CLSTN3: variants seen among roughly 807,000 people sequenced by gnomAD.
CLSTN3 encodes calsyntenin 3.
In CLSTN3, 36 loss-of-function variants were observed where a neutral mutation model predicts 95.9. That is an observed-to-expected ratio of 0.38 (90% CI 0.29 to 0.50). The LOEUF is 0.50. Among genes scored for constraint, CLSTN3 ranks in the 20% least tolerant of loss-of-function variants. The probability of loss-of-function intolerance (pLI) is 0.95; values close to 1 mark genes in which losing one functional copy is unlikely to be tolerated. For synonymous variants in CLSTN3, 481 were observed against 504.0 expected, an observed-to-expected ratio of 0.95 and a Z score of 0.61; for missense variants, 1,084 against 1,268.8, an observed-to-expected ratio of 0.85 and a Z score of 2.21.
Position 7,133,286 on chromosome 12 carries a change from G to T in CLSTN3, c.187+140G>T. 1 of 1,099,038 alleles carries T rather than the reference G, an allele frequency of 9.1e-7. No individual in the cohort carries two copies. Among genetic ancestry groups the T allele is most frequent in the Non-Finnish European group, 1.3e-6 (1 of 765,536 alleles). The allele number at this position is 1,099,038 out of a possible 1,614,324, so 68.1% of individuals were successfully genotyped here. ...AAAAGTGGGCTCAAGGAGGGGAATG[G>T]TCTCCACTGAAGAATGGAGATTGAG... is the stretch of plus-strand genomic sequence containing the variant. On this transcript the variant is annotated intron_variant, in intron 2 of 17. Coordinates refer to ENST00000266546, the MANE Select transcript of CLSTN3 (RefSeq NM_014718.4). This position sits in a 1 kb window ranked among gnomAD's most constrained non-coding sequence, Gnocchi z 4.7.
Position 7,150,936 on chromosome 12 carries a change from C to G in CLSTN3, c.2400C>G (p.Val800=). The G allele has an allele frequency of 6.2e-7, 1 of 1,604,974 alleles. No homozygotes were observed. The highest frequency in any genetic ancestry group is 8.5e-7 in the Non-Finnish European group (1 of 1,174,612). Residue 800 remains valine, a synonymous_variant, in exon 16 of 18, where the codon GTC becomes GTG. Coordinates refer to ENST00000266546, the MANE Select transcript of CLSTN3 (RefSeq NM_014718.4). This position sits in a 1 kb window ranked among gnomAD's most constrained non-coding sequence, Gnocchi z 4.0. ...SSNEFIVEVN[V]LHSMNRVAHP... The stretch of plus-strand genomic sequence containing the variant: ...GCCCTCCCTCTGCCCAGGTCAATGT[C>G]CTGCACAGCATGAACCGGGTTGCCC...
rs200951848 is a variant in CLSTN3 at position 7,137,061 on chromosome 12, C to A, written c.1161C>A (p.Asn387Lys). Residue 387 changes from asparagine to lysine, a missense_variant, in exon 7 of 18, where the codon AAC (asparagine) becomes AAA (lysine). Coordinates refer to ENST00000266546, the MANE Select transcript of CLSTN3 (RefSeq NM_014718.4). This position sits in a 1 kb window ranked among gnomAD's most constrained non-coding sequence, Gnocchi z 4.4. ...GGATGAAGCATGGCGTAACTCCCAA[C>A]AAGGGCAAGAAGGAAGAGGAAACCA... ...SFWMKHGVTP[N>K]KGKKEEETIV... is the part of the protein sequence containing the mutation. 308 of 1,614,004 alleles carry A rather than the reference C, an allele frequency of 1.9e-4. No individual in the cohort carries two copies. The highest frequency in any genetic ancestry group is 1.8e-4 in the Non-Finnish European group (207 of 1,180,022).
Position 7,157,353 on chromosome 12 carries a change from C to G in CLSTN3, c.2528-136C>G, listed in dbSNP as rs1238023750. ...TCTCTTCTGGCTTCTCCAGGTGTTCCTCTCTTCTCGGCCACCGTGTGTTCT... is the reference window on the plus strand; with the variant it reads ...TCTCTTCTGGCTTCTCCAGGTGTTCGTCTCTTCTCGGCCACCGTGTGTTCT... On this transcript the variant is annotated intron_variant, in intron 16 of 17. Coordinates refer to ENST00000266546, the MANE Select transcript of CLSTN3 (RefSeq NM_014718.4). The surrounding 1 kb of genome is among the most constrained non-coding windows in gnomAD (Gnocchi z 5.9). 1.4e-6 allele frequency: 1 copy of G among 706,104 alleles called. No homozygotes were observed. Among genetic ancestry groups the G allele is most frequent in the Non-Finnish European group, 2.2e-6 (1 of 446,976 alleles). The allele number at this position is 706,104 out of a possible 1,614,324, so 43.7% of individuals were successfully genotyped here.
chr12:7,130,648 C>T lies in CLSTN3; in HGVS notation c.-1C>T. 1.3e-6 allele frequency: 2 copies of T among 1,567,830 alleles called. No individual in the cohort carries two copies. The highest frequency in any genetic ancestry group is 8.7e-7 in the Non-Finnish European group (1 of 1,155,754). On this transcript the variant is annotated 5_prime_UTR_variant, in exon 1 of 18. Transcript: ENST00000266546. ...GGCCCTGCCCTGCCCCACGCCGCAC[C>T]ATGACCCTCCTGCTGCTGCCCCTTC... is the stretch of plus-strand genomic sequence containing the variant.
At position 7,137,969 on chromosome 12, in the gene CLSTN3, C is replaced by T; in HGVS notation, c.1225C>T (p.His409Tyr). 6.2e-7 allele frequency: 1 copy of T among 1,613,926 alleles called. No individual in the cohort carries two copies. The highest frequency in any genetic ancestry group is 1.1e-5 in the South Asian group (1 of 91,062). ...NTVQNEDGFS[H>Y]YSLTVHGCRI... ...TGTGCCCTCAGAGGACGGCTTCTCT[C>T]ACTACTCGCTGACTGTCCACGGCTG... The change falls in exon 8 of 18, where the codon CAC (histidine) becomes TAC (tyrosine). Residue 409 changes from histidine to tyrosine, a missense_variant. Transcript: ENST00000266546. The surrounding 1 kb of genome is among the most constrained non-coding windows in gnomAD (Gnocchi z 4.4).
rs752044597 is a variant in CLSTN3 at position 7,136,826 on chromosome 12, C to T, written c.929-3C>T. On this transcript the variant is annotated splice_polypyrimidine_tract_variant and splice_region_variant and intron_variant, in intron 6 of 17. Coordinates refer to ENST00000266546, the MANE Select transcript of CLSTN3 (RefSeq NM_014718.4). ...ACACTTGTGCCTCCTGGGGCTCCCACAGGTGCTGCCACTGGGGAGGTGGAT... is the reference window on the plus strand; with the variant it reads ...ACACTTGTGCCTCCTGGGGCTCCCATAGGTGCTGCCACTGGGGAGGTGGAT... The T allele has an allele frequency of 2.7e-5, 43 of 1,613,080 alleles. No individual in the cohort carries two copies. The highest frequency in any genetic ancestry group is 3.5e-5 in the Non-Finnish European group (41 of 1,179,206).
rs1314235449 is a variant in CLSTN3 at position 7,158,358 on chromosome 12, C to G, written c.*277C>G. 1 of 366,932 alleles carries G rather than the reference C, an allele frequency of 2.7e-6. No individual in the cohort carries two copies. Among genetic ancestry groups the G allele is most frequent in the Non-Finnish European group, 4.9e-6 (1 of 202,260 alleles). The allele number at this position is 366,932 out of a possible 1,614,324, so 22.7% of individuals were successfully genotyped here. ...AGTGGGCTGGACTTCAGCTGCCTTT[C>G]TACCCCCAATGGCAGCTGCCCCCTT... On this transcript the variant is annotated 3_prime_UTR_variant, in exon 18 of 18. Coordinates refer to ENST00000266546, the MANE Select transcript of CLSTN3 (RefSeq NM_014718.4).
At chr12:7,129,935 G>A, upstream of CLSTN3, 2 of 439,936 alleles carry the variant, frequency 4.5e-6, no homozygotes, top group South Asian at 9.3e-5. This position sits in a 1 kb window ranked among gnomAD's most constrained non-coding sequence, Gnocchi z 5.5. Context: ...GGCTACAAAT[G>A]CCAGGATTTC....
chr12:7,147,152 T>C (rs1025447985), intron 12 of CLSTN3, among the ~76,000 whole-genome samples: 1 of 152,074 alleles, frequency 6.6e-6, no homozygotes, highest in Non-Finnish European at 1.5e-5. Context: ...CCGTGAAGTC[T>C]GCTTGTTCAA....
intron 6 of CLSTN3, 148 bp from the exon 7 acceptor site, chr12:7,136,681 C>T: frequency 1.2e-6 from 1 of 860,424 alleles, no homozygotes; most frequent in Non-Finnish European, 1.8e-6. Context: ...GTGAGTTCAT[C>T]CCTCTCTTGT....
In CLSTN3 at chr12:7,137,218, T is replaced by A; in HGVS notation, c.1210+108T>A. On this transcript the variant is annotated intron_variant, in intron 7 of 17. Transcript: ENST00000266546. This position sits in a 1 kb window ranked among gnomAD's most constrained non-coding sequence, Gnocchi z 4.4. ...AACAGGTCACTTCCCCTCTCTTCATTTGTGAGGTGCAAGTGCCAGGTGTGA... is the reference window on the plus strand; with the variant it reads ...AACAGGTCACTTCCCCTCTCTTCATATGTGAGGTGCAAGTGCCAGGTGTGA... 1.7e-6 allele frequency: 2 copies of A among 1,154,046 alleles called. No individual in the cohort carries two copies. Among genetic ancestry groups the A allele is most frequent in the East Asian group, 2.5e-5 (1 of 39,580 alleles). 71.5% of individuals were successfully genotyped at this position (1,154,046 alleles called of 1,614,324 possible). A position where few individuals can be genotyped will look rare whatever the true frequency, so the allele number is the denominator to read the frequency against.
Position 7,142,075 on chromosome 12 carries a change from T to TTA in CLSTN3, c.1487-10_1487-9insAT. 6.4e-7 allele frequency: 1 copy of TTA among 1,571,412 alleles called. No homozygotes were observed. Among genetic ancestry groups the TTA allele is most frequent in the Non-Finnish European group, 8.6e-7 (1 of 1,158,202 alleles). On this transcript the variant is annotated splice_polypyrimidine_tract_variant and intron_variant, in intron 9 of 17. Coordinates refer to ENST00000266546, the MANE Select transcript of CLSTN3 (RefSeq NM_014718.4). Reference sequence around the variant, plus strand: ...TCACCAGCACTGTTTTTTTTTTTTTTTTATCCCCAGAGGAGAAGAACAAAG... The same window carrying TTA: ...TCACCAGCACTGTTTTTTTTTTTTTTTATTATCCCCAGAGGAGAAGAACAAAG...
chr12:7,130,623 G>GGCCCT lies in CLSTN3; in HGVS notation c.-16_-12dup, dbSNP rs1305932690. ...AGGCTCCCAGGGGAGGCAAACGCCTGGCCCTGCCCTGCCCCACGCCGCACC... is the reference window on the plus strand; with the variant it reads ...AGGCTCCCAGGGGAGGCAAACGCCTGGCCCTGCCCTGCCCTGCCCCACGCCGCACC... On this transcript the variant is annotated 5_prime_UTR_variant, in exon 1 of 18. Transcript: ENST00000266546. 8 of 1,556,806 alleles carry GGCCCT rather than the reference G, an allele frequency of 5.1e-6. No homozygotes were observed. The African/African-American group carries it at 8.2e-5, about 16-fold the overall frequency.
rs1007208005 is a variant in CLSTN3, at chr12:7,150,647, G to A, written c.2349G>A (p.Ser783=). ...CCAGGAAGTTCCGGCTTTCCTGCTCGGAAATGAATGGCCGTTACTCCAGCA... is the reference window on the plus strand; with the variant it reads ...CCAGGAAGTTCCGGCTTTCCTGCTCAGAAATGAATGGCCGTTACTCCAGCA... ...LYTRKFRLSC[S]EMNGRYSSNE... The change falls in exon 15 of 18, where the codon TCG becomes TCA. Residue 783 remains serine (S), a synonymous_variant. Transcript: ENST00000266546. The surrounding 1 kb of genome is among the most constrained non-coding windows in gnomAD (Gnocchi z 4.0). The A allele has an allele frequency of 6.2e-6, 10 of 1,614,024 alleles. No individual in the cohort carries two copies. Among genetic ancestry groups the A allele is most frequent in the African/African-American group, 2.7e-5 (2 of 74,924 alleles).
At chr12:7,136,124 G>T in intron 5 of CLSTN3, 82 bp from the exon 6 acceptor site, 2 of 1,540,174 alleles carry the variant, frequency 1.3e-6, no homozygotes, top group Non-Finnish European at 1.8e-6. Flanking sequence ...AACTGTCCAT[G>T]GACATGGCAA....
intron 12 of CLSTN3, among the ~76,000 whole-genome samples, chr12:7,148,521 T>A (rs1939667374): frequency 6.6e-6 from 1 of 152,240 alleles, no homozygotes; most frequent in Admixed American, 6.5e-5. Flanking sequence ...GATGTCCACA[T>A]TCTACTTTTA....
chr12:7,148,922 G>C (rs774603557), intron 12 of CLSTN3, 50 bp from the exon 13 acceptor site: 4 of 1,513,272 alleles, frequency 2.6e-6, no homozygotes, highest in South Asian at 2.3e-5. Flanking sequence ...GTGGGTTTTC[G>C]GGGAGGAAGT....
chr12:7,149,189 C>G lies in CLSTN3; in HGVS notation c.2065C>G (p.Gln689Glu). ...GGAGGCCAAAAAGGATGAGAGTTGGCAGGGCACAGGTAAGGACGACTTCGG... is the reference window on the plus strand; with the variant it reads ...GGAGGCCAAAAAGGATGAGAGTTGGGAGGGCACAGGTAAGGACGACTTCGG... ...QVEAKKDESWQGTVTDTRMSD... is the reference protein window; with the variant it reads ...QVEAKKDESWEGTVTDTRMSD... The change falls in exon 13 of 18, where the codon CAG becomes GAG. Residue 689 changes from glutamine (Q) to glutamate (E), a missense_variant. Physicochemically the swap from Gln to Glu is conservative, Grantham distance 29 (BLOSUM62 2). Transcript: ENST00000266546. This position sits in a 1 kb window ranked among gnomAD's most constrained non-coding sequence, Gnocchi z 4.5. 1 of 1,613,824 alleles carries G rather than the reference C, an allele frequency of 6.2e-7. No homozygotes were observed. Among genetic ancestry groups the G allele is most frequent in the Non-Finnish European group, 8.5e-7 (1 of 1,179,828 alleles).
chr12:7,131,745 G>T (rs1342141790), intron 1 of CLSTN3: 1 of 401,268 alleles, frequency 2.5e-6, no homozygotes, highest in Middle Eastern at 3.7e-4. Flanking sequence ...CCTCAGCCTC[G>T]CCTCCTAGCC....
Sources: gnomAD v4.1 joint callset for allele counts (sites outside exome capture counted in the v4.1 genomes callset) on GRCh38, gnomAD v4.1.1 for gene constraint, Gnocchi (gnomAD v3.1) non-coding constraint, MANE v1.5 for transcripts, NCBI Gene and HGNC (gene_info 2026-07-23, HGNC 2026-07-21) for gene names.